CACNA2D3: variants seen among roughly 807,000 people sequenced by gnomAD.
CACNA2D3 encodes voltage-dependent calcium channel subunit alpha-2/delta-3.
Under a neutral mutation model 160.6 loss-of-function variants are expected in CACNA2D3, and 60 were observed. That is an observed-to-expected ratio of 0.37 (90% CI 0.30 to 0.46). The LOEUF (loss-of-function observed/expected upper bound fraction) is 0.46. Among genes scored for constraint, CACNA2D3 ranks in the 20% least tolerant of loss-of-function variants. The pLI is 1.00. For missense variants in CACNA2D3, 1,205 were observed against 1,365.0 expected, an observed-to-expected ratio of 0.88 and a Z score of 1.85; for synonymous variants, 558 against 492.9, an observed-to-expected ratio of 1.13 and a Z score of -1.75.
chr3:55,053,108 C>G (rs1459384474), intron 35 of CACNA2D3, among the ~76,000 whole-genome samples: 1 of 151,964 alleles, frequency 6.6e-6, no homozygotes, highest in Non-Finnish European at 1.5e-5. Context: ...ATATCCATTA[C>G]CTCTAAAAAT....
At chr3:54,334,817 T>C (rs935931428) in intron 3 of CACNA2D3, among the ~76,000 whole-genome samples, 2 of 152,224 alleles carry the variant, frequency 1.3e-5, no homozygotes, top group Non-Finnish European at 2.9e-5. Context: ...TATATGTAAA[T>C]AGTACCTTTT....
chr3:54,886,707 A>C (rs1258257492), intron 23 of CACNA2D3, among the ~76,000 whole-genome samples: 3 of 151,722 alleles, frequency 2.0e-5, no homozygotes, highest in Non-Finnish European at 4.4e-5. Flanking sequence ...TATATATTAA[A>C]CTTTATGGTA....
chr3:54,975,541 A>AAC (rs1553620364), intron 29 of CACNA2D3, among the ~76,000 whole-genome samples: 12 of 139,726 alleles, frequency 8.6e-5, no homozygotes, highest in Middle Eastern at 3.9e-3. Flanking sequence ...AAAAAAAAAA[A>AAC]AAAAAACAAC....
In CACNA2D3 at chr3:54,514,678, G is replaced by A. The variant is rs555434164; in HGVS notation, c.544+11024G>A. On this transcript the variant is annotated intron_variant, in intron 5 of 37. Transcript: ENST00000474759. ...GTGTATCCCACAGCAGCTCAGCCTG[G>A]GTGAACTGGGAAGGTGGGGGTGGCC... Among the ~76,000 whole-genome samples, 202 of 152,242 alleles carry A rather than the reference G, an allele frequency of 1.3e-3. 2 individuals are homozygous for A. Among genetic ancestry groups the A allele is most frequent in the African/African-American group, 4.7e-3 (195 of 41,556 alleles).
chr3:54,644,672 A>T (rs1262598411), intron 11 of CACNA2D3, among the ~76,000 whole-genome samples: 3 of 152,244 alleles, frequency 2.0e-5, no homozygotes, highest in Non-Finnish European at 4.4e-5. Flanking sequence ...TGTGATTCCC[A>T]TAAAACAGTA....
At chr3:54,911,443 C>G (rs1700555115) in intron 27 of CACNA2D3, among the ~76,000 whole-genome samples, 1 of 148,582 alleles carries the variant, frequency 6.7e-6, no homozygotes, top group African/African-American at 2.5e-5. Context: ...ATCCTCCTGC[C>G]TCAGCCTCAT....
chr3:54,871,304 C>T (rs572588500), intron 17 of CACNA2D3, among the ~76,000 whole-genome samples: 1 of 152,078 alleles, frequency 6.6e-6, no homozygotes, highest in South Asian at 2.1e-4. Context: ...AAATTCATAT[C>T]AAGCAAAGAG....
intron 4 of CACNA2D3, among the ~76,000 whole-genome samples, chr3:54,422,454 C>A (rs1699851931): frequency 6.6e-6 from 1 of 152,118 alleles, no homozygotes; most frequent in Admixed American, 6.5e-5. Context: ...AGAAAGAACC[C>A]CTTCCATATC....
chr3:54,359,872 A>G (rs1174185540), intron 3 of CACNA2D3, among the ~76,000 whole-genome samples: 1 of 152,202 alleles, frequency 6.6e-6, no homozygotes, highest in Non-Finnish European at 1.5e-5. Flanking sequence ...TCTCCACTTC[A>G]TGGGGCCATC....
chr3:54,357,235 G>A (rs1012665138), intron 3 of CACNA2D3, among the ~76,000 whole-genome samples: 1 of 152,142 alleles, frequency 6.6e-6, no homozygotes, highest in African/African-American at 2.4e-5. Context: ...AATGAATGAG[G>A]CATGGTCAGC....
At chr3:54,929,221 G>A (rs949289960) in intron 27 of CACNA2D3, among the ~76,000 whole-genome samples, 5 of 152,168 alleles carry the variant, frequency 3.3e-5, no homozygotes, top group African/African-American at 1.2e-4. Flanking sequence ...GACAACATTA[G>A]CCCTTACTTT....
At chr3:54,597,658 G>C (rs537924325) in intron 9 of CACNA2D3, among the ~76,000 whole-genome samples, 1 of 152,142 alleles carries the variant, frequency 6.6e-6, no homozygotes, top group Admixed American at 6.5e-5. Context: ...GGAGCTGATC[G>C]TGTGGTATTT....
chr3:54,626,625 C>T (rs1291464833), intron 9 of CACNA2D3: 2 of 1,300,724 alleles, frequency 1.5e-6, no homozygotes, highest in Non-Finnish European at 2.2e-6. Flanking sequence ...CCAGCCACTC[C>T]TCCCGCTTCA....
At chr3:54,361,126 C>T (rs1462206943) in intron 3 of CACNA2D3, among the ~76,000 whole-genome samples, 1 of 151,758 alleles carries the variant, frequency 6.6e-6, no homozygotes, top group Non-Finnish European at 1.5e-5. Flanking sequence ...TGAAACATGC[C>T]AGTGAAAATG....
intron 11 of CACNA2D3, among the ~76,000 whole-genome samples, chr3:54,655,830 C>G (rs964241240): frequency 6.6e-6 from 1 of 152,148 alleles, no homozygotes; most frequent in African/African-American, 2.4e-5. Context: ...AGTAGTGTCA[C>G]TTTTATATTA....
chr3:54,922,962 C>G (rs1700896904), intron 27 of CACNA2D3, among the ~76,000 whole-genome samples: 1 of 152,186 alleles, frequency 6.6e-6, no homozygotes, highest in South Asian at 2.1e-4. Flanking sequence ...GCAATGTCTG[C>G]CAGTTCAGTA....
At chr3:54,350,661 A>G (rs1439380487) in intron 3 of CACNA2D3, among the ~76,000 whole-genome samples, 1 of 152,208 alleles carries the variant, frequency 6.6e-6, no homozygotes, top group Non-Finnish European at 1.5e-5. Flanking sequence ...TCTGTTATCA[A>G]CACCAGCCAC....
intron 2 of CACNA2D3, among the ~76,000 whole-genome samples, chr3:54,179,795 G>A (rs1207205783): frequency 6.6e-6 from 1 of 152,066 alleles, no homozygotes; most frequent in African/African-American, 2.4e-5. Context: ...ACCCGGAAGC[G>A]AGCCCTCACC....
At chr3:54,890,390 G>A (rs906966025) in intron 24 of CACNA2D3, among the ~76,000 whole-genome samples, 1 of 151,796 alleles carries the variant, frequency 6.6e-6, no homozygotes, top group African/African-American at 2.4e-5. Context: ...CAGCTACTCG[G>A]GGGGCTGAGG....
Sources: gnomAD v4.1 joint callset for allele counts (sites outside exome capture counted in the v4.1 genomes callset) on GRCh38, gnomAD v4.1.1 for gene constraint, MANE v1.5 for transcripts, NCBI Gene and HGNC (gene_info 2026-07-23, HGNC 2026-07-21) for gene names.